The following ERC2 variants were observed in gnomAD, a reference collection of about 807,000 sequenced individuals.
ERC2 encodes the protein ELKS/RAB6-interacting/CAST family member 2.
A neutral mutation model predicts 114.8 loss-of-function variants in ERC2; 42 were observed. The ratio of observed to expected loss-of-function variants is 0.37; its 90% CI spans 0.29 to 0.47. ERC2 has a LOEUF of 0.47. Among genes scored for constraint, ERC2 ranks in the 20% least tolerant of loss-of-function variants. The pLI is 0.99. For synonymous variants in ERC2, 454 were observed against 425.5 expected (o/e 1.07, Z -0.82); for missense variants, 939 against 1,150.7 (o/e 0.82, Z 2.66).
intron 17 of ERC2, among the ~76,000 whole-genome samples, chr3:55,580,231 ATT>A (rs71763172): frequency 7.2e-4 from 104 of 144,794 alleles, no homozygotes; most frequent in Middle Eastern, 3.6e-3. Context: ...TAGGAAGCAT[ATT>A]TTTTTTTTTT....
intron 17 of ERC2, among the ~76,000 whole-genome samples, chr3:55,529,317 G>A (rs1441430988): frequency 6.6e-6 from 1 of 152,152 alleles, no homozygotes; most frequent in Non-Finnish European, 1.5e-5. Flanking sequence ...ATTTTCCAGT[G>A]AGCTCCTGGA....
At chr3:55,712,872 C>T (rs1486718203) in intron 15 of ERC2, among the ~76,000 whole-genome samples, 5 of 152,104 alleles carry the variant, frequency 3.3e-5, no homozygotes, top group Non-Finnish European at 5.9e-5. Flanking sequence ...TCTCTGTACC[C>T]CATTGCACAA....
chr3:56,271,825 T>C (rs1272916786), intron 3 of ERC2, among the ~76,000 whole-genome samples: 1 of 152,160 alleles, frequency 6.6e-6, no homozygotes, highest in Admixed American at 6.5e-5. Context: ...GTGTACTCAG[T>C]GTTATAAGTG....
At chr3:56,168,755 G>A (rs2082457112) in intron 4 of ERC2, among the ~76,000 whole-genome samples, 1 of 152,214 alleles carries the variant, frequency 6.6e-6, no homozygotes, top group Non-Finnish European at 1.5e-5. Flanking sequence ...ACTTAACCCA[G>A]CTGCAGGTCA....
intron 2 of ERC2, among the ~76,000 whole-genome samples, chr3:56,408,918 C>T (rs1229559874): frequency 1.3e-5 from 2 of 152,212 alleles, no homozygotes; most frequent in Non-Finnish European, 2.9e-5. Flanking sequence ...ACGAGGCTGG[C>T]GTGGCCAGGA....
intron 7 of ERC2, among the ~76,000 whole-genome samples, chr3:56,067,676 T>A (rs1229623781): frequency 6.6e-6 from 1 of 152,200 alleles, no homozygotes; most frequent in East Asian, 1.9e-4. Flanking sequence ...GGCTGTGGGT[T>A]TATCATAAAT....
intron 2 of ERC2, among the ~76,000 whole-genome samples, chr3:56,409,073 A>T (rs2060837786): frequency 6.6e-6 from 1 of 152,224 alleles, no homozygotes; most frequent in Non-Finnish European, 1.5e-5. Context: ...GTGTTCCTGG[A>T]GGCCTGCGGC....
chr3:55,651,548 C>T (rs190720625), intron 17 of ERC2, among the ~76,000 whole-genome samples: 19 of 152,248 alleles, frequency 1.2e-4, no homozygotes, highest in African/African-American at 3.1e-4. Context: ...CTGGGTCTTT[C>T]GCTTCTCTGA....
chr3:56,205,800 A>T (rs1341240957), intron 3 of ERC2, among the ~76,000 whole-genome samples: 1 of 152,182 alleles, frequency 6.6e-6, no homozygotes, highest in African/African-American at 2.4e-5. Flanking sequence ...CTGGTAAGAG[A>T]GATGTAGCAC....
intron 17 of ERC2, among the ~76,000 whole-genome samples, chr3:55,616,773 G>A (rs1486839847): frequency 6.6e-6 from 1 of 151,874 alleles, no homozygotes; most frequent in Non-Finnish European, 1.5e-5. Flanking sequence ...GGAAATTCAA[G>A]GCACACAGTT....
At chr3:56,125,490 A>ACC (rs1249025335) in intron 6 of ERC2, among the ~76,000 whole-genome samples, 1 of 152,160 alleles carries the variant, frequency 6.6e-6, no homozygotes, top group Non-Finnish European at 1.5e-5. Flanking sequence ...TCATGAACTG[A>ACC]CCCTGACTAA....
intron 2 of ERC2, among the ~76,000 whole-genome samples, chr3:56,385,246 T>G (rs1331481325): frequency 2.0e-5 from 3 of 152,098 alleles, no homozygotes; most frequent in African/African-American, 7.2e-5. Context: ...GGGGTTACCT[T>G]TTGGTTCATA....
At chr3:55,770,286 T>C (rs907270847) in intron 14 of ERC2, among the ~76,000 whole-genome samples, 7 of 152,146 alleles carry the variant, frequency 4.6e-5, no homozygotes, top group Admixed American at 3.9e-4. Flanking sequence ...CCCACTAATA[T>C]AGCTTATAAA....
At chr3:56,330,333 A>G (rs764180272) in intron 2 of ERC2, among the ~76,000 whole-genome samples, 12 of 152,176 alleles carry the variant, frequency 7.9e-5, no homozygotes, top group Non-Finnish European at 7.3e-5. Flanking sequence ...GCCACCATAC[A>G]GGGCCTCATT....
intron 3 of ERC2, among the ~76,000 whole-genome samples, chr3:56,182,017 T>C (rs901988639): frequency 6.6e-6 from 1 of 152,182 alleles, no homozygotes; most frequent in Non-Finnish European, 1.5e-5. Context: ...AACTCCCAAA[T>C]TCCTGACCTA....
At chr3:55,996,546 G>A (rs1162726894) in intron 10 of ERC2, among the ~76,000 whole-genome samples, 2 of 152,060 alleles carry the variant, frequency 1.3e-5, no homozygotes, top group African/African-American at 4.8e-5. Context: ...CAAAAAAATG[G>A]GAAAAGGACA....
At chr3:56,332,581 C>T (rs2057675107) in intron 2 of ERC2, among the ~76,000 whole-genome samples, 2 of 152,198 alleles carry the variant, frequency 1.3e-5, no homozygotes, top group East Asian at 3.8e-4. Flanking sequence ...TTGTTTCCAT[C>T]AAATATGGGA....
intron 6 of ERC2, among the ~76,000 whole-genome samples, chr3:56,134,920 G>GTTTTTTT (rs147281232): frequency 7.0e-6 from 1 of 143,046 alleles, no homozygotes. Flanking sequence ...CTTTTTTTTT[G>GTTTTTTT]TTTTTTTTTG....
At chr3:56,240,410 T>C (rs1370247269) in intron 3 of ERC2, among the ~76,000 whole-genome samples, 2 of 152,314 alleles carry the variant, frequency 1.3e-5, no homozygotes, top group Admixed American at 1.3e-4. Context: ...TAAAAAAGCA[T>C]TTTCAATTTT....
Sources: allele counts gnomAD v4.1 joint callset (sites outside exome capture counted in the v4.1 genomes callset), GRCh38; gene constraint gnomAD v4.1.1; transcripts MANE v1.5; gene names NCBI Gene and HGNC (gene_info 2026-07-23, HGNC 2026-07-21).